ZC3H12B: variants seen among roughly 807,000 people sequenced by gnomAD.
ZC3H12B encodes zinc finger CCCH-type containing 12B.
A neutral mutation model predicts 43.9 loss-of-function variants in ZC3H12B; 7 were observed. That is an observed-to-expected ratio of 0.16 (90% CI 0.09 to 0.30). The LOEUF (loss-of-function observed/expected upper bound fraction) is 0.30, where lower values mean the gene tolerates loss of function less well. ZC3H12B is among the 10% of genes least tolerant of loss of function. The pLI is 1.00. For synonymous variants in ZC3H12B, 222 were observed against 241.7 expected (o/e 0.92, Z 0.76); for missense variants, 475 against 670.2 (o/e 0.71, Z 3.22).
chrX:65,272,230 A>G, the ZC3H12B span: 1 of 107,338 alleles, frequency 9.3e-6, no homozygotes, highest in South Asian at 4.0e-4. Context: ...AATAAAAATT[A>G]AAAATTAAAA....
the ZC3H12B span, among the ~76,000 whole-genome samples, chrX:65,280,810 C>T: frequency 1.8e-5 from 2 of 111,169 alleles, no homozygotes; most frequent in Admixed American, 1.9e-4. Context: ...AATAAAATAC[C>T]TAGGAATAAA....
chrX:65,082,999 G>GA, the ZC3H12B span, among the ~76,000 whole-genome samples: 187 of 102,569 alleles, frequency 1.8e-3, no homozygotes, highest in African/African-American at 3.8e-3. Context: ...GAATGAAGGA[G>GA]AAAAAAAAAA....
chrX:65,139,437 G>T, the ZC3H12B span, among the ~76,000 whole-genome samples: 8 of 111,270 alleles, frequency 7.2e-5, no homozygotes, highest in Non-Finnish European at 3.8e-5. Flanking sequence ...TTTCTGTATT[G>T]GCCTATATGT....
chrX:65,151,476 G>C, the ZC3H12B span, among the ~76,000 whole-genome samples: 1 of 111,764 alleles, frequency 8.9e-6, no homozygotes, highest in Non-Finnish European at 1.9e-5. Flanking sequence ...CCCACTAATA[G>C]CAAGAAATAA....
chrX:65,279,562 AG>A, the ZC3H12B span, among the ~76,000 whole-genome samples: 1 of 111,282 alleles, frequency 9.0e-6, no homozygotes, highest in East Asian at 2.8e-4. Context: ...CCATATACAA[AG>A]GTCAACTCAA....
intron 3 of ZC3H12B, among the ~76,000 whole-genome samples, chrX:65,457,538 C>T (rs1238035038): frequency 3.4e-5 from 3 of 88,456 alleles, no homozygotes; most frequent in Non-Finnish European, 5.9e-5. Context: ...AGCCCCTCTG[C>T]CCGGCCACGA....
At chrX:65,228,530 C>T in the ZC3H12B span, among the ~76,000 whole-genome samples, 1 of 110,625 alleles carries the variant, frequency 9.0e-6, no homozygotes, top group Admixed American at 9.6e-5. Context: ...GAAGTTCTGG[C>T]CAGGGCAATT....
At chrX:65,507,853 G>T (rs1335860040) in exon 5 of ZC3H12B, 1 of 112,584 alleles carries the variant, frequency 8.9e-6, no homozygotes, top group African/African-American at 3.2e-5. Flanking sequence ...TGTAACCACA[G>T]TTATTTACTG....
At chrX:65,435,189 T>A (rs1163046820) in intron 3 of ZC3H12B, among the ~76,000 whole-genome samples, 1 of 111,975 alleles carries the variant, frequency 8.9e-6, no homozygotes, top group Non-Finnish European at 1.9e-5. Context: ...GAGATAAGAT[T>A]ATCCTTCAGG....
the ZC3H12B span, among the ~76,000 whole-genome samples, chrX:65,055,673 T>C: frequency 8.9e-6 from 1 of 111,819 alleles, no homozygotes; most frequent in Non-Finnish European, 1.9e-5. Context: ...TACCAGTTCC[T>C]CCTTGTACCT....
the ZC3H12B span, among the ~76,000 whole-genome samples, chrX:65,046,197 T>A: frequency 1.8e-5 from 2 of 111,893 alleles, no homozygotes; most frequent in African/African-American, 6.5e-5. Context: ...AGATTCAGCC[T>A]GTCCTTTGAA....
chrX:65,371,907 G>A (rs1169742994), intron 2 of ZC3H12B, among the ~76,000 whole-genome samples: 1 of 111,244 alleles, frequency 9.0e-6, no homozygotes, highest in Admixed American at 9.6e-5. Flanking sequence ...CCAAAGAAGT[G>A]TACCTCACAC....
the ZC3H12B span, among the ~76,000 whole-genome samples, chrX:65,197,088 C>A: frequency 2.7e-5 from 3 of 111,872 alleles, no homozygotes; most frequent in African/African-American, 3.2e-5. Flanking sequence ...AGGAACTCCA[C>A]CCACAGGGCA....
At chrX:65,250,871 C>A in the ZC3H12B span, among the ~76,000 whole-genome samples, 1 of 111,392 alleles carries the variant, frequency 9.0e-6, no homozygotes, top group Admixed American at 9.5e-5. Context: ...CAAAAATTTT[C>A]TCCCATTCTG....
chrX:65,467,891 C>A (rs2067847055), intron 3 of ZC3H12B, among the ~76,000 whole-genome samples: 1 of 112,270 alleles, frequency 8.9e-6, no homozygotes, highest in South Asian at 3.6e-4. Flanking sequence ...AAAATATTTT[C>A]TCCCATTCTA....
At chrX:65,399,745 G>A (rs1279088165) in intron 3 of ZC3H12B, among the ~76,000 whole-genome samples, 5 of 112,008 alleles carry the variant, frequency 4.5e-5, no homozygotes, top group African/African-American at 1.3e-4. Flanking sequence ...GTTTATTGTA[G>A]CCCTATGCAC....
At chrX:65,080,188 GA>G in the ZC3H12B span, among the ~76,000 whole-genome samples, 161 of 56,994 alleles carry the variant, frequency 2.8e-3, no homozygotes, top group African/African-American at 6.1e-3. Flanking sequence ...GAAGACAAAA[GA>G]AAAAAAAAAA....
the ZC3H12B span, among the ~76,000 whole-genome samples, chrX:65,090,261 A>G: frequency 9.0e-6 from 1 of 111,593 alleles, no homozygotes; most frequent in African/African-American, 3.3e-5. Context: ...CAGTTCCATT[A>G]TAATTTTATT....
the ZC3H12B span, among the ~76,000 whole-genome samples, chrX:65,140,154 T>A: frequency 9.0e-6 from 1 of 111,585 alleles, no homozygotes; most frequent in Middle Eastern, 4.7e-3. Context: ...ACAGTAGGCA[T>A]TCTTGTCTTG....
Sources: gnomAD v4.1 joint callset for allele counts (sites outside exome capture counted in the v4.1 genomes callset) on GRCh38, gnomAD v4.1.1 for gene constraint, MANE v1.5 for transcripts, NCBI Gene and HGNC (gene_info 2026-07-23, HGNC 2026-07-21) for gene names.